The following GLT1D1 variants were observed in gnomAD, a reference collection of about 807,000 sequenced individuals.
The protein encoded by GLT1D1 is glycosyltransferase 1 domain containing 1, also known as glycosyltransferase 1 domain-containing protein 1.
GLT1D1 carries 21 observed loss-of-function variants against 28.7 expected under a neutral mutation model. The ratio of observed to expected loss-of-function variants is 0.73; its 90% confidence interval spans 0.52 to 1.05. The LOEUF is 1.05. GLT1D1 is among the 50% of genes least tolerant of loss of function. The probability of loss-of-function intolerance (pLI) is 0.00; values close to 1 mark genes in which losing one functional copy is unlikely to be tolerated. For missense variants in GLT1D1, 343 were observed against 330.6 expected, an observed-to-expected ratio of 1.04 and a Z score of -0.29; for synonymous variants, 147 against 124.8, an observed-to-expected ratio of 1.18 and a Z score of -1.19.
chr12:128,862,464 TG>T (rs1378388120), intron 1 of GLT1D1, among the ~76,000 whole-genome samples: 1 of 152,030 alleles, frequency 6.6e-6, no homozygotes, highest in Non-Finnish European at 1.5e-5. Flanking sequence ...GAGACCAGCC[TG>T]GGCTACATGG....
chr12:128,872,021 G>A (rs1469395540), intron 1 of GLT1D1, among the ~76,000 whole-genome samples: 7 of 151,936 alleles, frequency 4.6e-5, no homozygotes, highest in African/African-American at 9.7e-5. Context: ...GCGCGATCTC[G>A]GCTCACTGCA....
At chr12:128,856,220 T>C (rs1284506291) in intron 1 of GLT1D1, among the ~76,000 whole-genome samples, 1 of 152,170 alleles carries the variant, frequency 6.6e-6, no homozygotes, top group Non-Finnish European at 1.5e-5. Context: ...CAGAGGTCGC[T>C]CTCGTTGCCA....
At chr12:128,967,611 T>C (rs1878581794) in intron 7 of GLT1D1, among the ~76,000 whole-genome samples, 1 of 152,340 alleles carries the variant, frequency 6.6e-6, no homozygotes, top group South Asian at 2.1e-4. Flanking sequence ...AAAGCACTTA[T>C]GTTTAAGTGC....
At position 128,889,878 on chromosome 12, in the gene GLT1D1, G is replaced by A. The variant is rs192739015; in HGVS notation, c.323+1134G>A. On this transcript the variant is annotated intron_variant, in intron 3 of 7. Transcript: ENST00000281703. ...CAACCTCAGCCTCCCGGGTTCAGGC[G>A]ATTCTTGTGCCTCAGGCTCCCGAGT... is the stretch of plus-strand genomic sequence containing the variant. Among the ~76,000 whole-genome samples, 75 of 152,322 alleles carry A rather than the reference G, an allele frequency of 4.9e-4. 1 individual carries two copies. Among genetic ancestry groups the A allele is most frequent in the Admixed American group, 3.8e-3 (58 of 15,304 alleles).
At chr12:128,865,341 A>G (rs182081604) in intron 1 of GLT1D1, among the ~76,000 whole-genome samples, 1 of 152,236 alleles carries the variant, frequency 6.6e-6, no homozygotes, top group African/African-American at 2.4e-5. Context: ...TAGTTTGACA[A>G]CTAGTAATTA....
chr12:128,972,118 G>A (rs1879241226), intron 7 of GLT1D1, among the ~76,000 whole-genome samples: 1 of 152,028 alleles, frequency 6.6e-6, no homozygotes, highest in African/African-American at 2.4e-5. Flanking sequence ...GCTGCATGCG[G>A]GGCAAAGCCA....
chr12:128,970,488 A>G (rs888714905), intron 7 of GLT1D1, among the ~76,000 whole-genome samples: 1 of 152,088 alleles, frequency 6.6e-6, no homozygotes. Context: ...CCGCAGCCAC[A>G]GGCACCAAGT....
chr12:128,962,665 G>T (rs957973383), intron 7 of GLT1D1, among the ~76,000 whole-genome samples: 1 of 152,156 alleles, frequency 6.6e-6, no homozygotes, highest in Non-Finnish European at 1.5e-5. Flanking sequence ...GGGTATTACC[G>T]ATTTATAAAT....
intron 1 of GLT1D1, among the ~76,000 whole-genome samples, chr12:128,867,914 G>A (rs947849960): frequency 3.9e-5 from 6 of 152,220 alleles, no homozygotes; most frequent in African/African-American, 1.4e-4. Flanking sequence ...TTGAGGGGAT[G>A]AGAGACTGCG....
chr12:128,878,415 C>T (rs1280113664), intron 2 of GLT1D1, among the ~76,000 whole-genome samples: 5 of 152,178 alleles, frequency 3.3e-5, no homozygotes, highest in Non-Finnish European at 7.3e-5. Flanking sequence ...TTTTCTATTT[C>T]ACCTTTTAGA....
At chr12:128,866,684 G>A (rs939655463) in intron 1 of GLT1D1, among the ~76,000 whole-genome samples, 9 of 148,962 alleles carry the variant, frequency 6.0e-5, no homozygotes, top group African/African-American at 2.0e-4. Context: ...ATAGTGGCAC[G>A]ATCTTAGCTC....
chr12:128,921,774 T>A (rs982641007), intron 4 of GLT1D1, among the ~76,000 whole-genome samples: 2 of 151,842 alleles, frequency 1.3e-5, no homozygotes, highest in African/African-American at 4.8e-5. Flanking sequence ...AACATAGGTT[T>A]CCAGCACTCA....
chr12:128,918,733 G>A (rs540991595), intron 4 of GLT1D1, among the ~76,000 whole-genome samples: 46 of 152,310 alleles, frequency 3.0e-4, no homozygotes, highest in African/African-American at 9.9e-4. Flanking sequence ...TCAATTTCCT[G>A]TTGTAAGGTT....
chr12:128,866,214 G>A (rs764196618), intron 1 of GLT1D1, among the ~76,000 whole-genome samples: 2 of 151,648 alleles, frequency 1.3e-5, no homozygotes, highest in Non-Finnish European at 2.9e-5. Context: ...GACTACAGGT[G>A]CCTGCCACCA....
chr12:128,876,671 A>G (rs1956878270), intron 2 of GLT1D1, among the ~76,000 whole-genome samples: 1 of 152,194 alleles, frequency 6.6e-6, no homozygotes, highest in Non-Finnish European at 1.5e-5. Context: ...ATTCTTTTAC[A>G]AATAGAGCAC....
At position 128,853,524 on chromosome 12, in the gene GLT1D1, C is replaced by T; in HGVS notation, c.-58C>T. ...CCCCCGCCGTCCGCGTCTGCGCCGG[C>T]CCCGGGGCCTGGTCGGCGGCGGCGG... On this transcript the variant is annotated 5_prime_UTR_variant, in exon 1 of 8. Coordinates refer to ENST00000281703, the MANE Select transcript of GLT1D1 (RefSeq NM_144669.3). 2.9e-6 allele frequency: 3 copies of T among 1,020,438 alleles called. No homozygotes were observed. The highest frequency in any genetic ancestry group is 3.5e-6 in the Non-Finnish European group (3 of 855,848). 63.2% of individuals were successfully genotyped at this position (1,020,438 alleles called of 1,614,324 possible). A position where few individuals can be genotyped will look rare whatever the true frequency, so the allele number is the denominator to read the frequency against.
Position 128,950,325 on chromosome 12 carries a change from T to A in GLT1D1, c.540+2867T>A, listed in dbSNP as rs114475592. On this transcript the variant is annotated intron_variant, in intron 6 of 7. Coordinates refer to ENST00000281703, the MANE Select transcript of GLT1D1 (RefSeq NM_144669.3). Reference sequence around the variant, plus strand: ...CTTCAGCTATCTGAATTGATTCTAATCAATTCATTGCATCAGAGTTGTACC... The same window carrying A: ...CTTCAGCTATCTGAATTGATTCTAAACAATTCATTGCATCAGAGTTGTACC... Among the ~76,000 whole-genome samples the A allele has an allele frequency of 1.0e-3, 155 of 152,324 alleles. 1 individual carries two copies. Among genetic ancestry groups the A allele is most frequent in the African/African-American group, 3.6e-3 (151 of 41,564 alleles).
chr12:128,853,702 G>C (rs1956130287), intron 1 of GLT1D1, 53 bp downstream of exon 1: 1 of 1,023,592 alleles, frequency 9.8e-7, no homozygotes, highest in African/African-American at 1.7e-5. Flanking sequence ...CCGGGGGGCG[G>C]GGACGCGGGA....
intron 6 of GLT1D1, among the ~76,000 whole-genome samples, chr12:128,955,550 C>T (rs1040529356): frequency 6.6e-6 from 1 of 151,272 alleles, no homozygotes; most frequent in Non-Finnish European, 1.5e-5. Context: ...GATCCACACA[C>T]CATTCATGCA....
Sources: gnomAD v4.1 joint callset for allele counts (sites outside exome capture counted in the v4.1 genomes callset) on GRCh38, gnomAD v4.1.1 for gene constraint, MANE v1.5 for transcripts, NCBI Gene and HGNC (gene_info 2026-07-23, HGNC 2026-07-21) for gene names.